Variants in CD163L1 observed in about 807,000 individuals in gnomAD.
CD163L1 encodes scavenger receptor cysteine-rich type 1 protein M160.
CD163L1 carries 124 observed loss-of-function variants against 165.4 expected under a neutral mutation model. The ratio of observed to expected loss-of-function variants is 0.75; its 90% CI spans 0.65 to 0.87. CD163L1 has a LOEUF of 0.87. Among genes scored for constraint, CD163L1 ranks in the 40% least tolerant of loss-of-function variants. The pLI is 0.00. For missense variants in CD163L1, 1,525 were observed against 1,799.9 expected (o/e 0.85, Z 2.76); for synonymous variants, 585 against 662.2 (o/e 0.88, Z 1.79).
intron 2 of CD163L1, 114 bp from the exon 3 acceptor site, chr12:7,433,808 A>G (rs1342806207): frequency 1.2e-5 from 9 of 750,992 alleles, no homozygotes; most frequent in Non-Finnish European, 1.4e-5. Context: ...ATTAGAACTT[A>G]TAGTAGAGAG....
chr12:7,332,844 G>A, the CD163L1 span, among the ~76,000 whole-genome samples: 7 of 152,166 alleles, frequency 4.6e-5, no homozygotes, highest in African/African-American at 1.7e-4. Flanking sequence ...AAATTGTAAA[G>A]ACCATTGATG....
At chr12:7,321,570 CT>C in the CD163L1 span, among the ~76,000 whole-genome samples, 2 of 152,222 alleles carry the variant, frequency 1.3e-5, no homozygotes, top group Admixed American at 6.5e-5. Flanking sequence ...ACATCAGCAT[CT>C]TGTTCACATT....
intron 4 of CD163L1, among the ~76,000 whole-genome samples, chr12:7,431,617 G>A (rs1174915973): frequency 6.6e-6 from 1 of 151,868 alleles, no homozygotes; most frequent in Non-Finnish European, 1.5e-5. Flanking sequence ...GGGGGGTGGG[G>A]GGCTGGGGGA....
chr12:7,329,640 T>G, the CD163L1 span, among the ~76,000 whole-genome samples: 1 of 151,946 alleles, frequency 6.6e-6, no homozygotes, highest in South Asian at 2.1e-4. Flanking sequence ...ACTGACATAA[T>G]TTTTTAAAAG....
At chr12:7,323,710 G>C in the CD163L1 span, 3 of 708,774 alleles carry the variant, frequency 4.2e-6, no homozygotes, top group Non-Finnish European at 7.0e-6. Flanking sequence ...CAAGAGTACT[G>C]TAAAGATGAA....
chr12:7,335,299 G>C, the CD163L1 span, among the ~76,000 whole-genome samples: 1 of 152,132 alleles, frequency 6.6e-6, no homozygotes, highest in Non-Finnish European at 1.5e-5. Context: ...CAGATATATA[G>C]ACCAATGGAA....
the CD163L1 span, among the ~76,000 whole-genome samples, chr12:7,337,333 C>T: frequency 1.3e-5 from 2 of 152,090 alleles, no homozygotes; most frequent in Non-Finnish European, 2.9e-5. Context: ...TCTAGTTAAA[C>T]TAAAGAGCTT....
the CD163L1 span, among the ~76,000 whole-genome samples, chr12:7,335,046 C>T: frequency 6.6e-6 from 1 of 152,074 alleles, no homozygotes; most frequent in African/African-American, 2.4e-5. Context: ...GAATCAATAT[C>T]ATGAAAATGG....
chr12:7,366,317 T>A (rs948144247), intron 18 of CD163L1, among the ~76,000 whole-genome samples: 1 of 152,116 alleles, frequency 6.6e-6, no homozygotes, highest in African/African-American at 2.4e-5. Context: ...TAAAACCTAG[T>A]GTTTGATAAA....
intron 4 of CD163L1, among the ~76,000 whole-genome samples, chr12:7,417,458 A>C (rs1398555725): frequency 6.6e-6 from 1 of 152,076 alleles, no homozygotes; most frequent in Non-Finnish European, 1.5e-5. Flanking sequence ...GTTGAATAGG[A>C]GTGATGAGAC....
chr12:7,396,027 G>A (rs907405071), intron 8 of CD163L1, 68 bp downstream of exon 8: 7 of 1,305,072 alleles, frequency 5.4e-6, no homozygotes, highest in Non-Finnish European at 6.4e-6. Context: ...TACTGACTAA[G>A]AAGAAAGAAG....
Position 7,421,385 on chromosome 12 carries a change from G to C in CD163L1, c.766+11031C>G, listed in dbSNP as rs1238032714. Among the ~76,000 whole-genome samples, 14 of 77,342 alleles carry C rather than the reference G, an allele frequency of 1.8e-4. No individual in the cohort carries two copies. In the East Asian group the frequency reaches 1.9e-3, roughly 11 times the overall value. 50.7% of individuals were successfully genotyped at this position (77,342 alleles called of 152,430 possible). ...TATATATGTATATATACATTTGGAA[G>C]ATATATATGTATATATATCTTCCAA... On this transcript the variant is annotated intron_variant, in intron 4 of 19. Transcript: ENST00000313599.
At chr12:7,380,564 TGGG>T (rs997018001) in intron 8 of CD163L1, among the ~76,000 whole-genome samples, 2 of 151,754 alleles carry the variant, frequency 1.3e-5, no homozygotes, top group Admixed American at 1.3e-4. Flanking sequence ...CACTCATAAG[TGGG>T]GGGCTAAGCT....
intron 9 of CD163L1, among the ~76,000 whole-genome samples, chr12:7,378,057 CTCA>C (rs894075515): frequency 2.6e-5 from 4 of 152,128 alleles, no homozygotes; most frequent in African/African-American, 9.7e-5. Context: ...CAAAATTGGA[CTCA>C]TCATCCCACC....
intron 17 of CD163L1, 66 bp from the exon 18 acceptor site, chr12:7,367,397 TA>T: frequency 9.9e-7 from 1 of 1,011,546 alleles, no homozygotes; most frequent in Non-Finnish European, 1.5e-6. Flanking sequence ...TTAGGACACT[TA>T]ATGCTAAGGT....
chr12:7,394,462 C>A (rs1393279383), intron 8 of CD163L1, among the ~76,000 whole-genome samples: 2 of 152,038 alleles, frequency 1.3e-5, no homozygotes, highest in South Asian at 2.1e-4. Flanking sequence ...TTAAAGACTT[C>A]AATGTTAGAC....
chr12:7,431,495 G>A (rs953740044), intron 4 of CD163L1, among the ~76,000 whole-genome samples: 4 of 151,630 alleles, frequency 2.6e-5, no homozygotes, highest in Admixed American at 6.6e-5. Context: ...ATCTGGTGAT[G>A]TAATGAATAT....
intron 1 of CD163L1, among the ~76,000 whole-genome samples, 186 bp from the exon 2 acceptor site, chr12:7,441,432 G>A (rs1948829934): frequency 6.6e-6 from 1 of 152,194 alleles, no homozygotes; most frequent in South Asian, 2.1e-4. Context: ...TGTTTGTGAT[G>A]GAAAGGCACC....
chr12:7,333,403 C>T, the CD163L1 span, among the ~76,000 whole-genome samples: 10 of 152,042 alleles, frequency 6.6e-5, no homozygotes, highest in South Asian at 2.1e-4. Context: ...GGGTACATAA[C>T]GAAATGAAGG....
Sources: allele counts gnomAD v4.1 joint callset (sites outside exome capture counted in the v4.1 genomes callset), GRCh38; gene constraint gnomAD v4.1.1; transcripts MANE v1.5; gene names NCBI Gene and HGNC (gene_info 2026-07-23, HGNC 2026-07-21).